Variants in EXD3 observed in about 807,000 individuals in gnomAD.
The protein encoded by EXD3 is exonuclease mut-7 homolog.
EXD3 carries 92 observed loss-of-function variants against 98.0 expected under a neutral mutation model. That is an observed-to-expected ratio of 0.94 (90% CI 0.79 to 1.12). The LOEUF is 1.12. Among genes scored for constraint, EXD3 ranks in the 50% most tolerant of loss-of-function variants. The pLI, the probability that EXD3 is intolerant of heterozygous loss-of-function variation, is 0.00. For synonymous variants in EXD3, 569 were observed against 526.0 expected, an observed-to-expected ratio of 1.08 and a Z score of -1.12; for missense variants, 1,222 against 1,191.6, an observed-to-expected ratio of 1.03 and a Z score of -0.38.
intron 17 of EXD3, among the ~76,000 whole-genome samples, chr9:137,343,778 T>G (rs1212904827): frequency 2.0e-5 from 3 of 149,034 alleles, no homozygotes; most frequent in East Asian, 4.0e-4. Flanking sequence ...TTAGTAGAGA[T>G]GGGGTTTCCC....
At position 137,405,422 on chromosome 9, in the gene EXD3, G is replaced by A. The variant is rs1054303010; in HGVS notation, c.-47-10018C>T. On this transcript the variant is annotated intron_variant, in intron 1 of 21. Coordinates refer to ENST00000340951, the MANE Select transcript of EXD3 (RefSeq NM_017820.5). This position sits in a 1 kb window ranked among gnomAD's most constrained non-coding sequence, Gnocchi z 4.1. ...CCTGGACTCATTCGTGCTGGTGTCC[G>A]TGGCCCAAGGATTTGCAGAGCCGCG... Among the ~76,000 whole-genome samples the A allele has an allele frequency of 2.6e-5, 4 of 152,238 alleles. No individual in the cohort carries two copies. The highest frequency in any genetic ancestry group is 4.8e-5 in the African/African-American group (2 of 41,474).
rs1290755247 is a variant in EXD3 at position 137,385,786 on chromosome 9, G to A, written c.56-2409C>T. Among the ~76,000 whole-genome samples the A allele has an allele frequency of 1.3e-5, 2 of 152,100 alleles. No individual in the cohort carries two copies. Among genetic ancestry groups the A allele is most frequent in the African/African-American group, 2.4e-5 (1 of 41,522 alleles). ...TGAGCTCAATTGGTCCGTCCACCTC[G>A]GCCTCCCAAAGTGCTGGGATGACAG... On this transcript the variant is annotated intron_variant, in intron 2 of 21. Coordinates refer to ENST00000340951, the MANE Select transcript of EXD3 (RefSeq NM_017820.5). The surrounding 1 kb of genome is among the most constrained non-coding windows in gnomAD (Gnocchi z 4.4).
chr9:137,407,897 C>T lies in EXD3; in HGVS notation c.-47-12493G>A, dbSNP rs1366633161. Among the ~76,000 whole-genome samples the T allele has an allele frequency of 1.3e-5, 2 of 152,138 alleles. No homozygotes were observed. On this transcript the variant is annotated intron_variant, in intron 1 of 21. Coordinates refer to ENST00000340951, the MANE Select transcript of EXD3 (RefSeq NM_017820.5). The surrounding 1 kb of genome is among the most constrained non-coding windows in gnomAD (Gnocchi z 4.4). ...GGCCGGAGGGGGCTTTCCCCTTGGGCACCATGGACACCCCAGGCCCCGCAG... is the reference window on the plus strand; with the variant it reads ...GGCCGGAGGGGGCTTTCCCCTTGGGTACCATGGACACCCCAGGCCCCGCAG...
At chr9:137,382,016 C>T (rs542914596) in intron 3 of EXD3, among the ~76,000 whole-genome samples, 58 of 145,706 alleles carry the variant, frequency 4.0e-4, no homozygotes, top group African/African-American at 1.4e-3. Flanking sequence ...GAGGTGAGGA[C>T]GCGGGGAGGA....
At chr9:137,363,834 A>G (rs992660451) in intron 7 of EXD3, among the ~76,000 whole-genome samples, 3 of 152,148 alleles carry the variant, frequency 2.0e-5, no homozygotes, top group Admixed American at 1.3e-4. Flanking sequence ...GGTCTATTAC[A>G]TCTAAATGGT....
intron 17 of EXD3, among the ~76,000 whole-genome samples, chr9:137,340,191 A>G (rs1833571337): frequency 6.6e-6 from 1 of 152,214 alleles, no homozygotes; most frequent in African/African-American, 2.4e-5. Context: ...AATGTGTTTG[A>G]AAGAGGCGGG....
At chr9:137,353,018 A>C in intron 10 of EXD3, 2 of 1,358,052 alleles carry the variant, frequency 1.5e-6, no homozygotes, top group Non-Finnish European at 1.9e-6. Flanking sequence ...ACCCCAGTGT[A>C]GCCCCGGCTG....
At chr9:137,368,480 G>T (rs930866488) in intron 5 of EXD3, among the ~76,000 whole-genome samples, 1 of 152,204 alleles carries the variant, frequency 6.6e-6, no homozygotes, top group Non-Finnish European at 1.5e-5. Flanking sequence ...CCCACGAGGC[G>T]GAGACGGGCA....
Position 137,393,294 on chromosome 9 carries a change from G to A in EXD3, c.55+2009C>T. ...AACCCAGGGTCCCATGCGCTCCCCG[G>A]CCCTGACGGCGGTCTCCAGGGGAGG... On this transcript the variant is annotated intron_variant, in intron 2 of 21. Transcript: ENST00000340951. The surrounding 1 kb of genome is among the most constrained non-coding windows in gnomAD (Gnocchi z 4.6). The A allele has an allele frequency of 1.4e-6, 1 of 698,990 alleles. No homozygotes were observed. Among genetic ancestry groups the A allele is most frequent in the South Asian group, 1.5e-5 (1 of 67,436 alleles). 43.3% of individuals were successfully genotyped at this position (698,990 alleles called of 1,614,324 possible).
intron 17 of EXD3, among the ~76,000 whole-genome samples, chr9:137,341,942 A>AGG (rs750630226): frequency 9.7e-5 from 1 of 10,318 alleles, no homozygotes; most frequent in Non-Finnish European, 2.0e-4. Context: ...GCCGTCTCCC[A>AGG]GGAGTCAGAG....
At chr9:137,406,373 G>C (rs1315457330) in intron 1 of EXD3, among the ~76,000 whole-genome samples, 1 of 86,448 alleles carries the variant, frequency 1.2e-5, no homozygotes, top group African/African-American at 3.8e-5. Flanking sequence ...GTGGCTGGCA[G>C]CAAGTTATCT....
chr9:137,367,835 T>G, intron 6 of EXD3, 101 bp downstream of exon 6: 1 of 1,186,578 alleles, frequency 8.4e-7, no homozygotes, highest in Non-Finnish European at 1.2e-6. Flanking sequence ...TGTCCCCCAC[T>G]GTGGCTTGGT....
intron 17 of EXD3, among the ~76,000 whole-genome samples, chr9:137,328,487 A>ATAAACACCCACATGAT (rs1832623250): frequency 1.1e-3 from 5 of 4,442 alleles, no homozygotes; most frequent in South Asian, 0.014. Flanking sequence ...TAAAAACAAA[A>ATAAACACCCACATGAT]GTAAAAACAA....
Position 137,351,131 on chromosome 9 carries a change from C to T in EXD3, c.1401G>A (p.Gly467=), listed in dbSNP as rs1447297233. Reference sequence around the variant, plus strand: ...AGGACGTGCCCAGTTTTTGCAGGTCCCCCACCATCCCGTAGCCTGTGGGCA... The same window carrying T: ...AGGACGTGCCCAGTTTTTGCAGGTCTCCCACCATCCCGTAGCCTGTGGGCA... ...SITKLGYGMV[G]DLQKLGTSCP... Residue 467 remains glycine, a synonymous_variant, in exon 14 of 22, where the codon GGG becomes GGA. Transcript: ENST00000340951. 2.5e-6 allele frequency: 4 copies of T among 1,578,492 alleles called. No homozygotes were observed. The South Asian group carries it at 4.6e-5, about 18-fold the overall frequency.
chr9:137,365,678 A>G (rs188271071), intron 7 of EXD3: 96 of 259,158 alleles, frequency 3.7e-4, no homozygotes, highest in Non-Finnish European at 6.7e-4. Context: ...ACACACATGC[A>G]CAGGCACACA....
Position 137,423,125 on chromosome 9 carries a change from G to GT in EXD3, c.-60_-59insA, listed in dbSNP as rs1838629832. On this transcript the variant is annotated 5_prime_UTR_variant, in exon 1 of 22. Transcript: ENST00000340951. ...CCGGGGTCGCTCACCTGCGGGGCCG[G>GT]GACCGCCCCACACCGTCCACGCCCG... 6.6e-6 allele frequency: 1 copy of GT among 151,552 alleles called. No individual in the cohort carries two copies. Among genetic ancestry groups the GT allele is most frequent in the South Asian group, 2.1e-4 (1 of 4,832 alleles). The allele number at this position is 151,552 out of a possible 1,614,324, so 9.4% of individuals were successfully genotyped here. A position where few individuals can be genotyped will look rare whatever the true frequency, so the allele number is the denominator to read the frequency against.
chr9:137,318,235 T>C (rs2119077159), intron 19 of EXD3, among the ~76,000 whole-genome samples: 1 of 152,192 alleles, frequency 6.6e-6, no homozygotes, highest in South Asian at 2.1e-4. Flanking sequence ...CCCTGTCTGC[T>C]GGGCTGGGGT....
intron 19 of EXD3, among the ~76,000 whole-genome samples, chr9:137,312,622 A>G (rs539141147): frequency 5.9e-5 from 9 of 152,274 alleles, no homozygotes; most frequent in South Asian, 4.1e-4. Flanking sequence ...GAGTGAGGGA[A>G]AGAGCTGCTC....
At chr9:137,351,294 AG>A (rs1263971953) in intron 13 of EXD3, 23 bp downstream of exon 13, 2 of 1,600,088 alleles carry the variant, frequency 1.2e-6, no homozygotes, top group Admixed American at 1.7e-5. Context: ...TGGACTGGGC[AG>A]GGGGCCCCAG....
Sources: allele counts gnomAD v4.1 joint callset (sites outside exome capture counted in the v4.1 genomes callset), GRCh38; gene constraint gnomAD v4.1.1; non-coding constraint Gnocchi (gnomAD v3.1); transcripts MANE v1.5; gene names NCBI Gene and HGNC (gene_info 2026-07-23, HGNC 2026-07-21).